Variants in IL1RAPL1 observed in about 807,000 individuals in gnomAD.
IL1RAPL1 encodes the protein interleukin 1 receptor accessory protein like 1, also known as interleukin-1 receptor accessory protein-like 1.
In IL1RAPL1, 3 loss-of-function variants were observed where a neutral mutation model predicts 48.4. The observed-to-expected ratio is 0.06, with a 90% CI of 0.03 to 0.16. The LOEUF (loss-of-function observed/expected upper bound fraction) is 0.16, where lower values mean the gene tolerates loss of function less well. Among genes scored for constraint, IL1RAPL1 ranks in the 10% least tolerant of loss-of-function variants. The pLI is 1.00. For synonymous variants in IL1RAPL1, 185 were observed against 187.7 expected, an observed-to-expected ratio of 0.99 and a Z score of 0.12; for missense variants, 349 against 530.6, an observed-to-expected ratio of 0.66 and a Z score of 3.36.
At chrX:29,275,759 A>G (rs1267976249) in intron 2 of IL1RAPL1, among the ~76,000 whole-genome samples, 3 of 111,864 alleles carry the variant, frequency 2.7e-5, no homozygotes, top group African/African-American at 9.8e-5. Flanking sequence ...TGATATCTTC[A>G]AGGGTGATGC....
chrX:29,771,982 GACTT>G (rs1173010396), intron 6 of IL1RAPL1, among the ~76,000 whole-genome samples: 2 of 110,824 alleles, frequency 1.8e-5, no homozygotes, highest in Non-Finnish European at 3.8e-5. Context: ...GATCTCATGA[GACTT>G]ACTCACTATC....
rs779545661 is a variant in IL1RAPL1 at position 28,822,035 on chromosome X, T to TA, written c.82+32611dup. On this transcript the variant is annotated intron_variant, in intron 2 of 10. Transcript: ENST00000378993. Reference sequence around the variant, plus strand: ...CTGCTTTCCCCTCCCACCATCCACTTAGTTTGTTTTGGGGTGATATACGAT... The same window carrying TA: ...CTGCTTTCCCCTCCCACCATCCACTTAAGTTTGTTTTGGGGTGATATACGAT... 3.9e-3 allele frequency among the ~76,000 whole-genome samples: 430 copies of TA among 110,436 alleles called. 2 individuals are homozygous for TA. Among genetic ancestry groups the TA allele is most frequent in the African/African-American group, 0.013 (389 of 30,388 alleles).
At chrX:29,743,563 G>A (rs986854311) in intron 6 of IL1RAPL1, among the ~76,000 whole-genome samples, 1 of 111,520 alleles carries the variant, frequency 9.0e-6, no homozygotes, top group African/African-American at 3.3e-5. Flanking sequence ...TCAGCTCACT[G>A]CAACCTCCAG....
chrX:29,460,077 T>G lies in IL1RAPL1; in HGVS notation c.703+60769T>G, dbSNP rs57087204. ...ATTTCCAAGCTGTAGTCCCACCATATGCACCAGTACTTTTAACGGAGCCTG... is the reference window on the plus strand; with the variant it reads ...ATTTCCAAGCTGTAGTCCCACCATAGGCACCAGTACTTTTAACGGAGCCTG... On this transcript the variant is annotated intron_variant, in intron 5 of 10. Coordinates refer to ENST00000378993, the MANE Select transcript of IL1RAPL1 (RefSeq NM_014271.4). Among the ~76,000 whole-genome samples, 26 of 111,792 alleles carry G rather than the reference T, an allele frequency of 2.3e-4. No homozygotes were observed. In the East Asian group the frequency reaches 7.0e-3, roughly 30 times the overall value.
In IL1RAPL1 at chrX:28,984,768, G is replaced by A. The variant is rs191930491; in HGVS notation, c.82+195343G>A. On this transcript the variant is annotated intron_variant, in intron 2 of 10. Coordinates refer to ENST00000378993, the MANE Select transcript of IL1RAPL1 (RefSeq NM_014271.4). ...TCCCCAGAGAAGAGACTTGCTATCC[G>A]TCACAAGAATAAATATTTGTAAAGG... Among the ~76,000 whole-genome samples the A allele has an allele frequency of 1.7e-3, 195 of 111,494 alleles. 2 individuals are homozygous for A. The highest frequency in any genetic ancestry group is 5.8e-3 in the African/African-American group (177 of 30,709).
At chrX:28,615,284 G>T (rs1240241334) in intron 1 of IL1RAPL1, among the ~76,000 whole-genome samples, 11 of 92,007 alleles carry the variant, frequency 1.2e-4, no homozygotes, top group African/African-American at 4.7e-4. Flanking sequence ...AATATTAAGA[G>T]AGATCACATA....
In IL1RAPL1 at chrX:29,833,657, T is replaced by G. The variant is rs761808224; in HGVS notation, c.779-83807T>G. 3.3e-4 allele frequency among the ~76,000 whole-genome samples: 37 copies of G among 111,731 alleles called. 1 individual carries two copies. The South Asian group carries it at 5.7e-3, about 17-fold the overall frequency. ...TTTTCAAAAATGACAAATCATGAAG[T>G]CTCCAGTATGATTTATATTTCAAAT... On this transcript the variant is annotated intron_variant, in intron 6 of 10. Transcript: ENST00000378993.
At chrX:28,929,071 C>A (rs1923818296) in intron 2 of IL1RAPL1, among the ~76,000 whole-genome samples, 1 of 111,799 alleles carries the variant, frequency 8.9e-6, no homozygotes, top group South Asian at 3.7e-4. Flanking sequence ...CACTTAACAA[C>A]AGGCATATGT....
chrX:29,899,670 A>T (rs1297579594), intron 6 of IL1RAPL1, among the ~76,000 whole-genome samples: 1 of 107,580 alleles, frequency 9.3e-6, no homozygotes, highest in Non-Finnish European at 1.9e-5. Flanking sequence ...CAGCCTCCCG[A>T]GTTGCTGGGA....
chrX:29,266,305 G>A lies in IL1RAPL1; in HGVS notation c.83-16633G>A, dbSNP rs141839432. Among the ~76,000 whole-genome samples the A allele has an allele frequency of 4.6e-3, 514 of 112,200 alleles. 3 individuals are homozygous for A. Among genetic ancestry groups the A allele is most frequent in the Middle Eastern group, 0.014 (3 of 219 alleles). ...AGAAATTTTATTCCTGTGTTAATGTGTAGTTTTAAAGATTTGTTTAACAGT... is the reference window on the plus strand; with the variant it reads ...AGAAATTTTATTCCTGTGTTAATGTATAGTTTTAAAGATTTGTTTAACAGT... On this transcript the variant is annotated intron_variant, in intron 2 of 10. Coordinates refer to ENST00000378993, the MANE Select transcript of IL1RAPL1 (RefSeq NM_014271.4).
intron 6 of IL1RAPL1, among the ~76,000 whole-genome samples, chrX:29,725,947 G>A (rs1231953769): frequency 8.9e-6 from 1 of 111,993 alleles, no homozygotes; most frequent in East Asian, 2.8e-4. Context: ...CTCACTGATA[G>A]CAGATTTGTG....
In IL1RAPL1 at chrX:29,414,635, C is replaced by T. The variant is rs186738650; in HGVS notation, c.703+15327C>T. ...ACTCAGGAGGCTGAGGTGGGAGAAT[C>T]GCCTGAGCCCAAGAGGTCCAGGCTA... is the stretch of plus-strand genomic sequence containing the variant. On this transcript the variant is annotated intron_variant, in intron 5 of 10. Coordinates refer to ENST00000378993, the MANE Select transcript of IL1RAPL1 (RefSeq NM_014271.4). Among the ~76,000 whole-genome samples the T allele has an allele frequency of 2.0e-3, 217 of 111,223 alleles. 1 individual carries two copies. The highest frequency in any genetic ancestry group is 2.8e-3 in the Non-Finnish European group (150 of 53,056).
intron 6 of IL1RAPL1, among the ~76,000 whole-genome samples, chrX:29,851,628 T>A (rs1445297922): frequency 9.0e-6 from 1 of 111,585 alleles, no homozygotes; most frequent in Non-Finnish European, 1.9e-5. Flanking sequence ...GCCTACCCCT[T>A]TGAGTTCACT....
At chrX:28,969,320 T>C (rs1447513472) in intron 2 of IL1RAPL1, among the ~76,000 whole-genome samples, 1 of 112,070 alleles carries the variant, frequency 8.9e-6, no homozygotes, top group Non-Finnish European at 1.9e-5. Flanking sequence ...TCATGCTCTT[T>C]CCCAATCTGG....
intron 6 of IL1RAPL1, among the ~76,000 whole-genome samples, chrX:29,792,767 CA>C (rs201316919): frequency 9.2e-5 from 10 of 108,270 alleles, no homozygotes; most frequent in South Asian, 3.9e-4. Context: ...AATCATTATG[CA>C]AAAAAAAATT....
chrX:28,680,644 G>A (rs971592418), intron 1 of IL1RAPL1, among the ~76,000 whole-genome samples: 8 of 111,263 alleles, frequency 7.2e-5, no homozygotes, highest in African/African-American at 2.6e-4. Flanking sequence ...CTATTTTGTT[G>A]AGAGGTTTTT....
intron 5 of IL1RAPL1, among the ~76,000 whole-genome samples, chrX:29,567,782 A>G (rs759953134): frequency 9.9e-5 from 11 of 111,213 alleles, no homozygotes; most frequent in Non-Finnish European, 1.5e-4. Flanking sequence ...TTTAGATAGG[A>G]ATACAAATGC....
chrX:28,614,105 C>T (rs777184501), intron 1 of IL1RAPL1, among the ~76,000 whole-genome samples: 1 of 112,043 alleles, frequency 8.9e-6, no homozygotes, highest in South Asian at 3.7e-4. Flanking sequence ...TTCTCCTAAA[C>T]AATTACATGG....
At chrX:28,691,648 G>A (rs894199498) in intron 1 of IL1RAPL1, among the ~76,000 whole-genome samples, 2 of 111,521 alleles carry the variant, frequency 1.8e-5, no homozygotes, top group African/African-American at 6.5e-5. Flanking sequence ...TAATGAATGA[G>A]AGCACTCTTC....
Sources: gnomAD v4.1 joint callset for allele counts (sites outside exome capture counted in the v4.1 genomes callset) on GRCh38, gnomAD v4.1.1 for gene constraint, MANE v1.5 for transcripts, NCBI Gene and HGNC (gene_info 2026-07-23, HGNC 2026-07-21) for gene names.